The following PBX1 variants were observed in gnomAD, a reference collection of about 807,000 sequenced individuals.
The protein encoded by PBX1 is PBX homeobox 1, also known as pre-B-cell leukemia transcription factor 1.
PBX1 carries 6 observed loss-of-function variants against 53.4 expected under a neutral mutation model. The observed-to-expected ratio is 0.11, with a 90% CI of 0.06 to 0.22. The LOEUF is 0.22. Among genes scored for constraint, PBX1 ranks in the 10% least tolerant of loss-of-function variants. PBX1 has a pLI of 1.00. For synonymous variants in PBX1, 204 were observed against 212.3 expected (o/e 0.96, Z 0.34); for missense variants, 251 against 551.4 (o/e 0.46, Z 5.46).
rs2102366489 is a variant in PBX1, at chr1:164,821,541, A to G, written c.1115A>G (p.Asp372Gly). Residue 372 changes from aspartate to glycine, a missense_variant, in exon 8 of 9, where the codon GAT becomes GGT. Coordinates refer to ENST00000420696, the MANE Select transcript of PBX1 (RefSeq NM_002585.4). ...TGTTATTGTTCATCTGTTTAGGTGG[A>G]TACCCTTCGCCATGTTATCAGCCAG... The part of the protein sequence containing the change: ...QVGANVQSQV[D>G]TLRHVISQTG... 1 of 1,613,390 alleles carries G rather than the reference A, an allele frequency of 6.2e-7. No individual in the cohort carries two copies.
At chr1:164,587,057 C>G (rs1452468291) in intron 2 of PBX1, among the ~76,000 whole-genome samples, 2 of 152,188 alleles carry the variant, frequency 1.3e-5, no homozygotes, top group Non-Finnish European at 2.9e-5. Context: ...CAAGCCCATG[C>G]TTGACATTGA....
At chr1:164,882,312 G>C (rs1455811823) in intron 2 of PBX1, among the ~76,000 whole-genome samples, 4 of 152,138 alleles carry the variant, frequency 2.6e-5, no homozygotes. Flanking sequence ...GAGAGTCCAT[G>C]GGAGAGCCTG....
At chr1:164,884,422 G>A (rs911153473) in intron 2 of PBX1, 3 of 312,742 alleles carry the variant, frequency 9.6e-6, no homozygotes, top group Admixed American at 3.9e-5. Flanking sequence ...CAGAGGGTGG[G>A]CGAAAGAAAT....
intron 2 of PBX1, among the ~76,000 whole-genome samples, chr1:164,668,729 C>T (rs1660954475): frequency 6.6e-6 from 1 of 152,204 alleles, no homozygotes; most frequent in Non-Finnish European, 1.5e-5. Context: ...AGGACCGGCT[C>T]CTCGCGCCAA....
intron 4 of PBX1, among the ~76,000 whole-genome samples, chr1:164,803,604 C>T (rs763275847): frequency 4.6e-5 from 7 of 152,008 alleles, no homozygotes; most frequent in Non-Finnish European, 8.8e-5. Context: ...ATGAAAGCCA[C>T]GAGTCTTTGG....
chr1:164,773,977 C>T (rs985498171), intron 2 of PBX1, among the ~76,000 whole-genome samples: 1 of 152,166 alleles, frequency 6.6e-6, no homozygotes, highest in African/African-American at 2.4e-5. Flanking sequence ...ACGTGATATC[C>T]ACTTTGAATT....
chr1:164,743,951 C>T (rs1665758578), intron 2 of PBX1, among the ~76,000 whole-genome samples: 1 of 152,154 alleles, frequency 6.6e-6, no homozygotes, highest in Non-Finnish European at 1.5e-5. Context: ...GGGCATATTA[C>T]TTGAATAAAC....
chr1:164,749,160 T>C (rs1666060717), intron 2 of PBX1, among the ~76,000 whole-genome samples: 3 of 152,198 alleles, frequency 2.0e-5, no homozygotes, highest in Non-Finnish European at 4.4e-5. Flanking sequence ...AGCCCTGCCC[T>C]TCAAATATAC....
chr1:164,599,070 G>GGTTT (rs746324006), intron 2 of PBX1, among the ~76,000 whole-genome samples: 1 of 38,224 alleles, frequency 2.6e-5, no homozygotes, highest in African/African-American at 1.0e-4. Flanking sequence ...TTTTCCTCCT[G>GGTTT]ATTTTTTTTT....
chr1:164,721,058 T>C (rs1664380617), intron 2 of PBX1, among the ~76,000 whole-genome samples: 2 of 152,232 alleles, frequency 1.3e-5, no homozygotes, highest in Non-Finnish European at 2.9e-5. Flanking sequence ...AGTGAGAAGA[T>C]GGCCGAGCAA....
intron 8 of PBX1, among the ~76,000 whole-genome samples, chr1:164,837,366 A>G (rs921809656): frequency 2.0e-5 from 3 of 152,194 alleles, no homozygotes; most frequent in African/African-American, 7.2e-5. Flanking sequence ...TACTTGAATT[A>G]TCTAGGTTTA....
Position 164,726,315 on chromosome 1 carries a change from A to T in PBX1, c.266-66179A>T, listed in dbSNP as rs538929334. ...CCTGCCATGGGTTTAGTGTAGAGAA[A>T]ATGGGACAGGATGAGGATGATGATT... On this transcript the variant is annotated intron_variant, in intron 2 of 8. Transcript: ENST00000420696. Among the ~76,000 whole-genome samples the T allele has an allele frequency of 1.5e-4, 23 of 152,304 alleles. No individual in the cohort carries two copies. In the South Asian group the frequency reaches 4.8e-3, roughly 32 times the overall value.
At chr1:164,679,195 A>G (rs1661605991) in intron 2 of PBX1, among the ~76,000 whole-genome samples, 1 of 152,218 alleles carries the variant, frequency 6.6e-6, no homozygotes, top group Non-Finnish European at 1.5e-5. Context: ...GGCTAGCTGG[A>G]TGATGCCTTT....
intron 2 of PBX1, among the ~76,000 whole-genome samples, chr1:164,571,899 A>ATATAT (rs1401113900): frequency 8.4e-6 from 1 of 118,656 alleles, no homozygotes; most frequent in African/African-American, 3.1e-5. Flanking sequence ...ATATATATAT[A>ATATAT]TATATATATA....
chr1:164,870,266 C>CTTCT (rs1162744857), intron 2 of PBX1, among the ~76,000 whole-genome samples: 64 of 45,192 alleles, frequency 1.4e-3, no homozygotes, highest in South Asian at 2.6e-3. Flanking sequence ...TCCTTCCTTC[C>CTTCT]TTCTTTCTTT....
At chr1:164,657,825 ACCACTACAGTTTAAGC>A (rs1355821467) in intron 2 of PBX1, among the ~76,000 whole-genome samples, 1 of 152,184 alleles carries the variant, frequency 6.6e-6, no homozygotes, top group East Asian at 1.9e-4. Flanking sequence ...GGCTTTATTG[ACCACTACAGTTTAAGC>A]CCATGCAACC....
rs374028704 is a variant in PBX1 at position 164,666,076 on chromosome 1, G to A, written c.265+102765G>A. 8.5e-5 allele frequency among the ~76,000 whole-genome samples: 13 copies of A among 152,312 alleles called. No homozygotes were observed. In the South Asian group the frequency reaches 1.4e-3, roughly 17 times the overall value. ...AACTCCAGGAGGGAATGGTATGCACGACAAGATGGAGTTGAAGAGATACGG... is the reference window on the plus strand; with the variant it reads ...AACTCCAGGAGGGAATGGTATGCACAACAAGATGGAGTTGAAGAGATACGG... On this transcript the variant is annotated intron_variant, in intron 2 of 8. Coordinates refer to ENST00000420696, the MANE Select transcript of PBX1 (RefSeq NM_002585.4).
intron 2 of PBX1, chr1:164,626,237 C>T (rs967719000): frequency 3.4e-5 from 14 of 413,670 alleles, no homozygotes; most frequent in South Asian, 3.1e-4. Flanking sequence ...GGCAGAAATA[C>T]GGTATTTGGA....
chr1:164,876,905 G>A (rs976675462), intron 2 of PBX1, among the ~76,000 whole-genome samples: 1 of 152,042 alleles, frequency 6.6e-6, no homozygotes, highest in Admixed American at 6.5e-5. Flanking sequence ...TGCTCCTCCC[G>A]GCCCCCTGCC....
Sources: gnomAD v4.1 joint callset for allele counts (sites outside exome capture counted in the v4.1 genomes callset) on GRCh38, gnomAD v4.1.1 for gene constraint, MANE v1.5 for transcripts, NCBI Gene and HGNC (gene_info 2026-07-23, HGNC 2026-07-21) for gene names.